CALN1: variants seen among roughly 807,000 people sequenced by gnomAD.
The protein encoded by CALN1 is calcium-binding protein 8.
In CALN1, 17 loss-of-function variants were observed where a neutral mutation model predicts 30.6. The observed-to-expected ratio is 0.56, with a 90% confidence interval of 0.38 to 0.83. The LOEUF is 0.83. CALN1 is among the 40% of genes least tolerant of loss of function. The probability of loss-of-function intolerance (pLI) is 0.00; values close to 1 mark genes in which losing one functional copy is unlikely to be tolerated. For synonymous variants in CALN1, 156 were observed against 131.4 expected, an observed-to-expected ratio of 1.19 and a Z score of -1.28; for missense variants, 291 against 354.9, an observed-to-expected ratio of 0.82 and a Z score of 1.45.
chr7:72,138,246 A>G (rs2129543251), intron 3 of CALN1, among the ~76,000 whole-genome samples: 1 of 152,342 alleles, frequency 6.6e-6, no homozygotes, highest in South Asian at 2.1e-4. Flanking sequence ...AATTATCATC[A>G]AATGATGCTA....
At position 72,106,160 on chromosome 7, in the gene CALN1, C is replaced by T. The variant is rs959339744; in HGVS notation, c.379G>A (p.Asp127Asn). 1 of 1,613,824 alleles carries T rather than the reference C, an allele frequency of 6.2e-7. No homozygotes were observed. Among genetic ancestry groups the T allele is most frequent in the Non-Finnish European group, 8.5e-7 (1 of 1,179,932 alleles). ...VELAIIMQRL[D>N]MDGDGQVDFD... The stretch of plus-strand genomic sequence containing the variant: ...CTTGTCCGGGTCTTACCGTCCATGT[C>T]CAAGCGCTGCATGATGATGGCCAGC... The change falls in exon 4 of 7, where the codon GAC (aspartate) becomes AAC (asparagine). Residue 127 changes from aspartate (D) to asparagine (N), a missense_variant. Asp to Asn is a conservative substitution (Grantham distance 23, BLOSUM62 1). Coordinates refer to ENST00000395275, the MANE Select transcript of CALN1 (RefSeq NM_031468.4).
At chr7:71,874,075 G>A (rs1025980597) in intron 5 of CALN1, among the ~76,000 whole-genome samples, 4 of 152,006 alleles carry the variant, frequency 2.6e-5, no homozygotes, top group Non-Finnish European at 4.4e-5. Flanking sequence ...GGGAGTTTGA[G>A]AACAGCCCAG....
intron 2 of CALN1, among the ~76,000 whole-genome samples, chr7:72,391,830 T>G (rs1306287168): frequency 6.6e-6 from 1 of 152,146 alleles, no homozygotes. Flanking sequence ...GAACCCTCTT[T>G]TGCTGTATAA....
intron 5 of CALN1, among the ~76,000 whole-genome samples, chr7:71,862,404 T>A (rs1271543833): frequency 6.6e-6 from 1 of 152,176 alleles, no homozygotes. Flanking sequence ...GCTGTTCTCA[T>A]GATAGTGAAT....
chr7:71,965,452 C>T (rs1033142492), intron 5 of CALN1, among the ~76,000 whole-genome samples: 1 of 152,198 alleles, frequency 6.6e-6, no homozygotes, highest in Non-Finnish European at 1.5e-5. Context: ...AAACTAAAAG[C>T]TTCCTCTCAC....
chr7:72,118,524 G>C (rs1366734784), intron 3 of CALN1, among the ~76,000 whole-genome samples: 5 of 152,214 alleles, frequency 3.3e-5, no homozygotes, highest in Non-Finnish European at 7.3e-5. Flanking sequence ...CACCTGGACA[G>C]ATTAAGCTGA....
chr7:71,985,118 A>G (rs1798594768), intron 5 of CALN1, among the ~76,000 whole-genome samples: 2 of 151,796 alleles, frequency 1.3e-5, no homozygotes, highest in East Asian at 1.9e-4. Flanking sequence ...AAATTGAAAA[A>G]CCTGGCAAAG....
intron 3 of CALN1, among the ~76,000 whole-genome samples, chr7:72,159,289 G>C (rs1363058122): frequency 2.0e-5 from 3 of 152,162 alleles, no homozygotes; most frequent in Non-Finnish European, 2.9e-5. Context: ...TTGTGGTAGA[G>C]ATTTAAAGAA....
chr7:72,165,023 G>T (rs939425680), intron 3 of CALN1, among the ~76,000 whole-genome samples: 1 of 152,054 alleles, frequency 6.6e-6, no homozygotes, highest in Non-Finnish European at 1.5e-5. Context: ...GGTTACATAG[G>T]CATATACATT....
At chr7:72,493,863 G>C in the CALN1 span, among the ~76,000 whole-genome samples, 1 of 152,198 alleles carries the variant, frequency 6.6e-6, no homozygotes, top group African/African-American at 2.4e-5. Context: ...AAAATATTTA[G>C]TGTGCTTTGT....
intron 3 of CALN1, among the ~76,000 whole-genome samples, chr7:72,260,533 C>T (rs1031257412): frequency 2.6e-5 from 4 of 152,192 alleles, no homozygotes; most frequent in African/African-American, 7.2e-5. Context: ...TACTGAGGAT[C>T]TTCAAAATCT....
At position 72,145,644 on chromosome 7, in the gene CALN1, C is replaced by G. The variant is rs577083936; in HGVS notation, c.245-39350G>C. Among the ~76,000 whole-genome samples, 560 of 152,260 alleles carry G rather than the reference C, an allele frequency of 3.7e-3. 4 individuals are homozygous for G. Among genetic ancestry groups the G allele is most frequent in the African/African-American group, 0.013 (524 of 41,538 alleles). ...TATGAAGCCAGCATCATCCTGATAC[C>G]AAAGCCTGGCAGAGACACAACAAAA... On this transcript the variant is annotated intron_variant, in intron 3 of 6. Coordinates refer to ENST00000395275, the MANE Select transcript of CALN1 (RefSeq NM_031468.4).
chr7:72,325,443 A>T (rs1288280257), intron 2 of CALN1, among the ~76,000 whole-genome samples: 2 of 152,276 alleles, frequency 1.3e-5, no homozygotes, highest in East Asian at 1.9e-4. Context: ...TCTACTAAAA[A>T]TGCAAAACTG....
intron 6 of CALN1, among the ~76,000 whole-genome samples, chr7:71,788,292 TACAA>T (rs773294788): frequency 1.4e-4 from 22 of 152,062 alleles, no homozygotes; most frequent in Non-Finnish European, 2.8e-4. Flanking sequence ...CTGCAGCTGA[TACAA>T]ACAGAGTGGA....
intron 4 of CALN1, among the ~76,000 whole-genome samples, chr7:72,064,281 CAA>C (rs11315302): frequency 0.016 from 2,192 of 133,948 alleles, 48 homozygotes; most frequent in African/African-American, 0.052. Flanking sequence ...GACTCCATCT[CAA>C]AAAAAAAAAA....
chr7:71,917,116 C>A (rs1236195048), intron 5 of CALN1, among the ~76,000 whole-genome samples: 1 of 152,150 alleles, frequency 6.6e-6, no homozygotes, highest in Admixed American at 6.5e-5. Context: ...ATGTGGAAAC[C>A]TTGAGCTCAG....
chr7:71,942,642 T>A (rs1170895172), intron 5 of CALN1, among the ~76,000 whole-genome samples: 1 of 152,170 alleles, frequency 6.6e-6, no homozygotes, highest in Non-Finnish European at 1.5e-5. Context: ...GATGGATGGA[T>A]GTGATGGAAT....
chr7:72,303,002 G>A (rs1258424827), intron 2 of CALN1, among the ~76,000 whole-genome samples: 1 of 150,796 alleles, frequency 6.6e-6, no homozygotes, highest in East Asian at 1.9e-4. Context: ...GAGCCCAGGA[G>A]TTCAGGAGTT....
In CALN1 at chr7:72,412,162, TC is replaced by T. The variant is rs1402718299; in HGVS notation, c.-179del. 1 of 152,610 alleles carries T rather than the reference TC, an allele frequency of 6.6e-6. No individual in the cohort carries two copies. Among genetic ancestry groups the T allele is most frequent in the African/African-American group, 2.4e-5 (1 of 41,242 alleles). 9.5% of individuals were successfully genotyped at this position (152,610 alleles called of 1,614,324 possible). A position where few individuals can be genotyped will look rare whatever the true frequency, so the allele number is the denominator to read the frequency against. ...TGTTACAGCTCTTAAAGATGGCGCG[TC>T]CGGAGTCGTCTGCTCCTCCCGGTGG... On this transcript the variant is annotated 5_prime_UTR_variant, in exon 1 of 7. Transcript: ENST00000395275.
Sources: gnomAD v4.1 joint callset for allele counts (sites outside exome capture counted in the v4.1 genomes callset) on GRCh38, gnomAD v4.1.1 for gene constraint, MANE v1.5 for transcripts, NCBI Gene and HGNC (gene_info 2026-07-23, HGNC 2026-07-21) for gene names.